ELP4: variants seen among roughly 807,000 people sequenced by gnomAD.
The protein encoded by ELP4 is elongator complex protein 4.
ELP4 carries 51 observed loss-of-function variants against 48.9 expected under a neutral mutation model. That is an observed-to-expected ratio of 1.04 (90% CI 0.83 to 1.32). The LOEUF (loss-of-function observed/expected upper bound fraction) is 1.32. ELP4 is among the 40% of genes most tolerant of loss of function. ELP4 has a pLI of 0.00. For missense variants in ELP4, 519 were observed against 514.6 expected (o/e 1.01, Z -0.08); for synonymous variants, 210 against 189.2 (o/e 1.11, Z -0.90).
At chr11:31,578,981 C>G (rs1423915234) in intron 3 of ELP4, among the ~76,000 whole-genome samples, 5 of 152,226 alleles carry the variant, frequency 3.3e-5, no homozygotes, top group Non-Finnish European at 7.3e-5. Flanking sequence ...GCAAAAGAAA[C>G]TGCCATCAGA....
Position 31,553,007 on chromosome 11 carries a change from C to T in ELP4, c.381+13224C>T, listed in dbSNP as rs746167088. Reference sequence around the variant, plus strand: ...TCAGACTTTGCTCAAATGTTGCCATCTCAGCAGGGCCTAATCTAACTACCC... The same window carrying T: ...TCAGACTTTGCTCAAATGTTGCCATTTCAGCAGGGCCTAATCTAACTACCC... On this transcript the variant is annotated intron_variant, in intron 3 of 9. Coordinates refer to ENST00000640961, the MANE Select transcript of ELP4 (RefSeq NM_019040.5). Among the ~76,000 whole-genome samples, 79 of 152,136 alleles carry T rather than the reference C, an allele frequency of 5.2e-4. 1 individual carries two copies. Among genetic ancestry groups the T allele is most frequent in the Non-Finnish European group, 7.4e-5 (5 of 68,024 alleles).
intron 9 of ELP4, among the ~76,000 whole-genome samples, chr11:31,715,983 G>A (rs933763048): frequency 6.6e-6 from 1 of 152,162 alleles, no homozygotes; most frequent in Non-Finnish European, 1.5e-5. Flanking sequence ...TTCATGTAAT[G>A]TTAGAGATAT....
chr11:31,635,947 A>G (rs901822690), intron 7 of ELP4, among the ~76,000 whole-genome samples: 1 of 152,004 alleles, frequency 6.6e-6, no homozygotes, highest in African/African-American at 2.4e-5. Context: ...GGCCATCCAA[A>G]TATTAGTAGC....
chr11:31,579,046 T>A (rs1254224898), intron 3 of ELP4, among the ~76,000 whole-genome samples: 1 of 152,088 alleles, frequency 6.6e-6, no homozygotes, highest in Non-Finnish European at 1.5e-5. Context: ...CCCATCTGAC[T>A]AAGGGCTAAT....
intron 5 of ELP4, among the ~76,000 whole-genome samples, chr11:31,618,844 A>G (rs1274664934): frequency 6.6e-6 from 1 of 152,102 alleles, no homozygotes; most frequent in Non-Finnish European, 1.5e-5. Context: ...ATTGAACTGT[A>G]CACTTTCAGT....
rs1452585103 is a variant in ELP4, at chr11:31,539,664, G to A, written c.262G>A (p.Glu88Lys). 6.3e-7 allele frequency: 1 copy of A among 1,598,668 alleles called. No individual in the cohort carries two copies. Among genetic ancestry groups the A allele is most frequent in the Non-Finnish European group, 8.5e-7 (1 of 1,173,638 alleles). ...ACTGCAACTTTTCCTTTTTACAGAG[G>A]AGGATAAATATAATATTTACTCACC... ...LAVGTVLLIE[E>K]DKYNIYSPLL... Residue 88 changes from glutamate to lysine, a missense_variant and splice_region_variant, in exon 3 of 10, where the codon GAG becomes AAG. Physicochemically the swap from Glu to Lys is moderately conservative, Grantham distance 56 (BLOSUM62 1). Transcript: ENST00000640961.
At chr11:31,567,062 C>T (rs769701365) in intron 3 of ELP4, among the ~76,000 whole-genome samples, 2 of 151,696 alleles carry the variant, frequency 1.3e-5, no homozygotes, top group Non-Finnish European at 2.9e-5. Flanking sequence ...TCCCGAGTAA[C>T]TGGGATTACA....
chr11:31,749,313 G>T lies in ELP4; in HGVS notation c.1144-34080G>T, dbSNP rs144669969. Among the ~76,000 whole-genome samples the T allele has an allele frequency of 1.1e-4, 17 of 152,316 alleles. No individual in the cohort carries two copies. The East Asian group carries it at 2.9e-3, about 26-fold the overall frequency. On this transcript the variant is annotated intron_variant, in intron 9 of 9. Coordinates refer to ENST00000640961, the MANE Select transcript of ELP4 (RefSeq NM_019040.5). ...AAAGCATCAGAAAACTCTAGTAAAA[G>T]TGGGGAAGGAAAGAGACACGTAAAA...
intron 9 of ELP4, among the ~76,000 whole-genome samples, chr11:31,759,147 A>C (rs1330463015): frequency 1.3e-5 from 2 of 152,218 alleles, no homozygotes; most frequent in Non-Finnish European, 2.9e-5. Flanking sequence ...TATACAACAA[A>C]TAGCAAAAAG....
At chr11:31,674,608 AG>A (rs1401463679) in intron 9 of ELP4, among the ~76,000 whole-genome samples, 1 of 152,230 alleles carries the variant, frequency 6.6e-6, no homozygotes, top group Non-Finnish European at 1.5e-5. Context: ...CTGTGAAAAG[AG>A]TTACCATTTT....
At chr11:31,523,859 G>A (rs1383036061) in intron 2 of ELP4, among the ~76,000 whole-genome samples, 2 of 152,016 alleles carry the variant, frequency 1.3e-5, no homozygotes, top group Non-Finnish European at 2.9e-5. Flanking sequence ...TGTTACATTG[G>A]TAAATTTGGA....
At chr11:31,550,044 G>T (rs1287005531) in intron 3 of ELP4, among the ~76,000 whole-genome samples, 1 of 152,194 alleles carries the variant, frequency 6.6e-6, no homozygotes, top group Admixed American at 6.5e-5. Context: ...TAGATGACGA[G>T]TTAGTGGGTG....
At chr11:31,733,186 G>T (rs1947231013) in intron 9 of ELP4, among the ~76,000 whole-genome samples, 1 of 152,116 alleles carries the variant, frequency 6.6e-6, no homozygotes, top group Non-Finnish European at 1.5e-5. Flanking sequence ...ACAAATTTAA[G>T]AAGATTAAAA....
At chr11:31,667,206 T>C (rs1160752678) in intron 9 of ELP4, among the ~76,000 whole-genome samples, 1 of 152,218 alleles carries the variant, frequency 6.6e-6, no homozygotes, top group African/African-American at 2.4e-5. Flanking sequence ...CCATAGAGTC[T>C]GTTATATCAT....
intron 9 of ELP4, among the ~76,000 whole-genome samples, chr11:31,758,755 C>T (rs1301214943): frequency 6.6e-6 from 1 of 151,684 alleles, no homozygotes; most frequent in Non-Finnish European, 1.5e-5. Flanking sequence ...CAAACTCCAC[C>T]TTCCAGGTTC....
chr11:31,718,877 G>T (rs1230758452), intron 9 of ELP4, among the ~76,000 whole-genome samples: 1 of 152,164 alleles, frequency 6.6e-6, no homozygotes, highest in East Asian at 1.9e-4. Context: ...TTCAAGGGGA[G>T]AAAAATTAAG....
chr11:31,650,447 T>C, intron 9 of ELP4: 1 of 364,798 alleles, frequency 2.7e-6, no homozygotes, highest in Non-Finnish European at 4.9e-6. Flanking sequence ...TTCTTTTGAA[T>C]ATCTATTAAA....
intron 9 of ELP4, chr11:31,719,787 C>G: frequency 3.9e-6 from 1 of 258,276 alleles, no homozygotes; most frequent in Non-Finnish European, 7.2e-6. Flanking sequence ...CTGATGTCTG[C>G]AACTTTCTTT....
intron 3 of ELP4, among the ~76,000 whole-genome samples, chr11:31,559,078 T>G (rs1407946257): frequency 6.6e-6 from 1 of 152,058 alleles, no homozygotes; most frequent in Non-Finnish European, 1.5e-5. Context: ...AATGCAACAT[T>G]AAAGGATGCC....
Sources: allele counts gnomAD v4.1 joint callset (sites outside exome capture counted in the v4.1 genomes callset), GRCh38; gene constraint gnomAD v4.1.1; transcripts MANE v1.5; gene names NCBI Gene and HGNC (gene_info 2026-07-23, HGNC 2026-07-21).